Variants in TOX2 observed in about 807,000 individuals in gnomAD.
TOX2 encodes TOX high mobility group box family member 2.
TOX2 carries 15 observed loss-of-function variants against 47.4 expected under a neutral mutation model. The ratio of observed to expected loss-of-function variants is 0.32; its 90% CI spans 0.21 to 0.49. The LOEUF (loss-of-function observed/expected upper bound fraction) is 0.49, where lower values mean the gene tolerates loss of function less well. Ranked by LOEUF, TOX2 falls within the 20% of genes least tolerant of loss-of-function variation. The pLI is 0.99. For synonymous variants in TOX2, 290 were observed against 296.6 expected (o/e 0.98, Z 0.23); for missense variants, 622 against 673.1 (o/e 0.92, Z 0.84).
In TOX2 at chr20:44,066,759, C is replaced by T. The variant is rs1458666668; in HGVS notation, c.1386C>T (p.Ser462=). 1.2e-6 allele frequency: 2 copies of T among 1,614,078 alleles called. No homozygotes were observed. Among genetic ancestry groups the T allele is most frequent in the African/African-American group, 2.7e-5 (2 of 74,936 alleles). ...TCCCGCACATCTCTGAGTTCCCCAG[C>T]AGCTCGGGATCCTGCTCACCTGGCC... The part of the protein sequence containing the change: ...QDFPHISEFP[S]SSGSCSPGPS... The change falls in exon 8 of 9, where the codon AGC becomes AGT. Residue 462 remains serine (S), a synonymous_variant. Transcript: ENST00000341197.
rs55980791 is a variant in TOX2, at chr20:44,002,081, G to T, written c.166-4466G>T. 7.0e-3 allele frequency among the ~76,000 whole-genome samples: 1,059 copies of T among 152,030 alleles called. 11 individuals are homozygous for T. Among genetic ancestry groups the T allele is most frequent in the African/African-American group, 0.024 (1,002 of 41,446 alleles). On this transcript the variant is annotated intron_variant, in intron 2 of 8. Transcript: ENST00000341197. ...GCTGGGGGCCGATTGCCTTTAGGTGGCAATAAGCCACAGATATCATATCAC... is the reference window on the plus strand; with the variant it reads ...GCTGGGGGCCGATTGCCTTTAGGTGTCAATAAGCCACAGATATCATATCAC...
intron 1 of TOX2, among the ~76,000 whole-genome samples, chr20:43,927,458 AACACACAC>A (rs34410581): frequency 0.011 from 1,495 of 131,460 alleles, 20 homozygotes; most frequent in Middle Eastern, 0.019. Flanking sequence ...TGATCTATAT[AACACACAC>A]ACACACACAC....
intron 5 of TOX2, among the ~76,000 whole-genome samples, 191 bp from the exon 6 acceptor site, chr20:44,064,586 A>T (rs996907548): frequency 1.3e-5 from 2 of 152,196 alleles, no homozygotes; most frequent in African/African-American, 2.4e-5. Flanking sequence ...AGGAACTGGG[A>T]TATGGCCTGG....
intron 1 of TOX2, among the ~76,000 whole-genome samples, chr20:43,948,870 A>C (rs894987442): frequency 6.6e-6 from 1 of 152,182 alleles, no homozygotes; most frequent in Non-Finnish European, 1.5e-5. Flanking sequence ...CTGGAGTAGC[A>C]ATTGGGTGGA....
intron 1 of TOX2, among the ~76,000 whole-genome samples, chr20:43,967,542 C>T (rs188770598): frequency 6.6e-5 from 10 of 152,158 alleles, no homozygotes; most frequent in African/African-American, 1.9e-4. Flanking sequence ...ATGTTCATCT[C>T]GTCCACCATC....
At chr20:44,014,212 G>A (rs1316201688) in intron 3 of TOX2, among the ~76,000 whole-genome samples, 1 of 150,132 alleles carries the variant, frequency 6.7e-6, no homozygotes, top group African/African-American at 2.4e-5. Flanking sequence ...TTCACATGGT[G>A]ATGGACACAG....
At chr20:43,998,843 C>T (rs974399439) in intron 2 of TOX2, among the ~76,000 whole-genome samples, 14 of 152,044 alleles carry the variant, frequency 9.2e-5, no homozygotes, top group Non-Finnish European at 1.6e-4. Context: ...CACTGCAACC[C>T]CTGCTTCCCG....
rs989178621 is a variant in TOX2 at position 43,916,802 on chromosome 20, C to G, written c.99+1812C>G. Reference sequence around the variant, plus strand: ...GGGTGGGGGTTTAGCCTGGAGCGCTCCGTTTGAGGGTGGTGTTTCTATAAA... The same window carrying G: ...GGGTGGGGGTTTAGCCTGGAGCGCTGCGTTTGAGGGTGGTGTTTCTATAAA... On this transcript the variant is annotated intron_variant, in intron 1 of 8. Transcript: ENST00000341197. This position sits in a 1 kb window ranked among gnomAD's most constrained non-coding sequence, Gnocchi z 5.0. 3.9e-5 allele frequency among the ~76,000 whole-genome samples: 6 copies of G among 152,094 alleles called. No homozygotes were observed. The highest frequency in any genetic ancestry group is 8.8e-5 in the Non-Finnish European group (6 of 68,026).
At chr20:43,966,742 A>C (rs1394649907) in intron 1 of TOX2, among the ~76,000 whole-genome samples, 1 of 149,404 alleles carries the variant, frequency 6.7e-6, no homozygotes, top group African/African-American at 2.5e-5. Context: ...CGACAGAGCA[A>C]AACTCTGTCT....
chr20:43,996,268 G>A (rs1600720078), intron 2 of TOX2, among the ~76,000 whole-genome samples: 2 of 152,248 alleles, frequency 1.3e-5, no homozygotes, highest in South Asian at 4.1e-4. Flanking sequence ...GATCGGTGAT[G>A]TTGTAGCTGA....
At chr20:43,989,791 A>G (rs2070336069) in intron 2 of TOX2, among the ~76,000 whole-genome samples, 1 of 152,048 alleles carries the variant, frequency 6.6e-6, no homozygotes, top group Admixed American at 6.5e-5. Context: ...GAAAAAAAAA[A>G]AAAAAACCCA....
At chr20:44,026,264 CAA>C (rs2071067518) in intron 3 of TOX2, among the ~76,000 whole-genome samples, 2 of 48,908 alleles carry the variant, frequency 4.1e-5, no homozygotes, top group South Asian at 5.6e-4. Context: ...CACACACACA[CAA>C]TGGAATACTA....
chr20:44,018,194 G>A (rs6073283), intron 3 of TOX2, among the ~76,000 whole-genome samples: 93,591 of 151,404 alleles, frequency 0.62, 29,380 homozygotes, highest in Non-Finnish European at 0.68. Flanking sequence ...CACCCCTTCC[G>A]CTGAAATTCA....
chr20:43,923,606 C>T (rs1347315165), intron 1 of TOX2, among the ~76,000 whole-genome samples: 2 of 152,164 alleles, frequency 1.3e-5, no homozygotes, highest in Non-Finnish European at 2.9e-5. Context: ...TAACTGAGGA[C>T]AGTAGAGATG....
intron 5 of TOX2, among the ~76,000 whole-genome samples, chr20:44,064,326 A>G (rs1315356116): frequency 6.6e-6 from 1 of 152,234 alleles, no homozygotes; most frequent in Admixed American, 6.5e-5. Context: ...CCAGTCCTAC[A>G]ATAACATATG....
At chr20:44,056,188 C>T (rs1230819156) in intron 5 of TOX2, among the ~76,000 whole-genome samples, 1 of 152,228 alleles carries the variant, frequency 6.6e-6, no homozygotes, top group Non-Finnish European at 1.5e-5. Context: ...GGGGACATTA[C>T]TTCTGCAGCA....
chr20:43,918,263 A>G (rs998303326), intron 1 of TOX2, among the ~76,000 whole-genome samples: 3 of 152,200 alleles, frequency 2.0e-5, no homozygotes, highest in Non-Finnish European at 4.4e-5. Context: ...CTGGGTTCAA[A>G]TGTCCATTTG....
intron 2 of TOX2, among the ~76,000 whole-genome samples, chr20:43,999,472 T>A (rs1443365135): frequency 6.6e-6 from 1 of 152,110 alleles, no homozygotes; most frequent in African/African-American, 2.4e-5. Flanking sequence ...AAAAAAAAAT[T>A]CCATATATAA....
chr20:44,048,703 C>A (rs1221934223), intron 3 of TOX2, among the ~76,000 whole-genome samples: 2 of 151,230 alleles, frequency 1.3e-5, no homozygotes, highest in East Asian at 3.9e-4. Context: ...TTCAAACAAA[C>A]ATACAGGCAA....
Sources: allele counts gnomAD v4.1 joint callset (sites outside exome capture counted in the v4.1 genomes callset), GRCh38; gene constraint gnomAD v4.1.1; non-coding constraint Gnocchi (gnomAD v3.1); transcripts MANE v1.5; gene names NCBI Gene and HGNC (gene_info 2026-07-23, HGNC 2026-07-21).